Variants in AHCYL2 observed in about 807,000 individuals in gnomAD.
The protein encoded by AHCYL2 is S-adenosylhomocysteine hydrolase-like protein 2.
In AHCYL2, 28 loss-of-function variants were observed where a neutral mutation model predicts 81.4. The ratio of observed to expected loss-of-function variants is 0.34; its 90% CI spans 0.25 to 0.47. AHCYL2 has a LOEUF of 0.47. AHCYL2 is among the 20% of genes least tolerant of loss of function. The pLI is 1.00. For synonymous variants in AHCYL2, 272 were observed against 290.2 expected (o/e 0.94, Z 0.64); for missense variants, 551 against 785.1 (o/e 0.70, Z 3.56).
At chr7:129,242,005 A>G (rs148943232) in intron 1 of AHCYL2, among the ~76,000 whole-genome samples, 1 of 152,148 alleles carries the variant, frequency 6.6e-6, no homozygotes, top group Non-Finnish European at 1.5e-5. Flanking sequence ...TACTTTTGCT[A>G]TATATTCTTT....
intron 1 of AHCYL2, among the ~76,000 whole-genome samples, chr7:129,324,479 T>C (rs1350667780): frequency 6.6e-6 from 1 of 152,176 alleles, no homozygotes; most frequent in East Asian, 1.9e-4. Flanking sequence ...ATTAAGCATA[T>C]TGTAATCATT....
intron 1 of AHCYL2, among the ~76,000 whole-genome samples, chr7:129,339,950 G>T (rs1417276867): frequency 1.9e-4 from 21 of 112,964 alleles, no homozygotes; most frequent in African/African-American, 6.6e-4. Flanking sequence ...ACGGAGTCTC[G>T]CTCCGTCGCC....
intron 1 of AHCYL2, chr7:129,376,056 C>T (rs1316060090): frequency 8.9e-7 from 1 of 1,129,428 alleles, no homozygotes; most frequent in East Asian, 2.6e-5. Flanking sequence ...TGAGCTACCC[C>T]TCTTTTAACA....
intron 1 of AHCYL2, among the ~76,000 whole-genome samples, chr7:129,355,024 A>G (rs1362196002): frequency 6.6e-6 from 1 of 152,184 alleles, no homozygotes; most frequent in African/African-American, 2.4e-5. Context: ...GATCATAGAC[A>G]TGCATAGAAT....
intron 1 of AHCYL2, among the ~76,000 whole-genome samples, chr7:129,338,605 T>A (rs192101267): frequency 6.6e-6 from 1 of 152,378 alleles, no homozygotes; most frequent in East Asian, 1.9e-4. Context: ...CCTGTTCTGA[T>A]GGATGAAAGG....
intron 10 of AHCYL2, among the ~76,000 whole-genome samples, chr7:129,407,271 A>C (rs1297247352): frequency 6.6e-6 from 1 of 152,128 alleles, no homozygotes; most frequent in Non-Finnish European, 1.5e-5. Flanking sequence ...AGTATCACCT[A>C]AGCCTGGGAG....
chr7:129,401,909 T>G (rs961038667), intron 6 of AHCYL2, among the ~76,000 whole-genome samples: 3 of 152,194 alleles, frequency 2.0e-5, no homozygotes, highest in African/African-American at 7.2e-5. Flanking sequence ...CCTGTTTGGA[T>G]TCTGTCAAGA....
At chr7:129,415,407 T>A (rs12706884) in intron 12 of AHCYL2, among the ~76,000 whole-genome samples, 3,665 of 152,342 alleles carry the variant, frequency 0.024, 72 homozygotes, top group Admixed American at 0.057. Context: ...ACCTTTTGTA[T>A]TTTTACTTTA....
chr7:129,370,425 G>A (rs898232261), intron 1 of AHCYL2, among the ~76,000 whole-genome samples: 1 of 151,898 alleles, frequency 6.6e-6, no homozygotes, highest in Non-Finnish European at 1.5e-5. Flanking sequence ...AGCCGGGTGC[G>A]GTGGCTCACG....
intron 1 of AHCYL2, among the ~76,000 whole-genome samples, chr7:129,226,203 A>G (rs1584676534): frequency 6.6e-6 from 1 of 152,322 alleles, no homozygotes; most frequent in East Asian, 1.9e-4. Context: ...GGGAAAGACG[A>G]TCTTTGTGGG....
At chr7:129,298,416 T>C (rs1357474650) in intron 1 of AHCYL2, among the ~76,000 whole-genome samples, 1 of 152,218 alleles carries the variant, frequency 6.6e-6, no homozygotes, top group Non-Finnish European at 1.5e-5. Flanking sequence ...TGGTATCAAA[T>C]TTTGCTTCTC....
intron 1 of AHCYL2, among the ~76,000 whole-genome samples, chr7:129,265,471 G>A (rs976505569): frequency 6.6e-6 from 1 of 152,188 alleles, no homozygotes; most frequent in Non-Finnish European, 1.5e-5. Flanking sequence ...TTTATTATAA[G>A]AGAGTGAAGT....
intron 1 of AHCYL2, among the ~76,000 whole-genome samples, chr7:129,260,647 C>A (rs192640333): frequency 6.6e-5 from 10 of 152,286 alleles, no homozygotes; most frequent in African/African-American, 2.4e-4. Context: ...TGACCTGTTT[C>A]AATTTTCTTC....
chr7:129,301,267 T>G (rs1245171209), intron 1 of AHCYL2, among the ~76,000 whole-genome samples: 1 of 152,238 alleles, frequency 6.6e-6, no homozygotes, highest in Admixed American at 6.5e-5. Flanking sequence ...ATTAATCCTT[T>G]GTCAGATGGA....
intron 1 of AHCYL2, among the ~76,000 whole-genome samples, chr7:129,324,706 G>A (rs377197211): frequency 2.0e-4 from 30 of 152,106 alleles, no homozygotes; most frequent in South Asian, 8.3e-4. Context: ...TAGTAGAGAC[G>A]GGGTTTCACC....
At chr7:129,295,467 T>G (rs1797021014) in intron 1 of AHCYL2, among the ~76,000 whole-genome samples, 1 of 152,130 alleles carries the variant, frequency 6.6e-6, no homozygotes, top group Non-Finnish European at 1.5e-5. Context: ...AAGCCTAGAC[T>G]CTGAAAGCTG....
intron 4 of AHCYL2, among the ~76,000 whole-genome samples, chr7:129,394,500 T>G (rs769277270): frequency 7.4e-6 from 1 of 134,816 alleles, no homozygotes; most frequent in African/African-American, 2.8e-5. Flanking sequence ...CAGGCTGGAG[T>G]GCAACGGTGC....
At chr7:129,338,430 C>T (rs1422038060) in intron 1 of AHCYL2, among the ~76,000 whole-genome samples, 1 of 152,212 alleles carries the variant, frequency 6.6e-6, no homozygotes, top group Non-Finnish European at 1.5e-5. Context: ...ACTAGGATTA[C>T]AGGAGTGACC....
chr7:129,298,216 C>A (rs1251391202), intron 1 of AHCYL2, among the ~76,000 whole-genome samples: 3 of 152,174 alleles, frequency 2.0e-5, no homozygotes, highest in African/African-American at 7.2e-5. Flanking sequence ...AAATTAGGTT[C>A]ATATTATATA....
Sources: gnomAD v4.1 joint callset for allele counts (sites outside exome capture counted in the v4.1 genomes callset) on GRCh38, gnomAD v4.1.1 for gene constraint, MANE v1.5 for transcripts, NCBI Gene and HGNC (gene_info 2026-07-23, HGNC 2026-07-21) for gene names.